Variants in SLIT2 observed in about 807,000 individuals in gnomAD.
The protein encoded by SLIT2 is slit homolog 2 protein.
A neutral mutation model predicts 185.7 loss-of-function variants in SLIT2; 41 were observed. That is an observed-to-expected ratio of 0.22 (90% CI 0.17 to 0.29). SLIT2 has a LOEUF of 0.29. Ranked by LOEUF, SLIT2 falls within the 10% of genes least tolerant of loss-of-function variation. The probability of loss-of-function intolerance (pLI) is 1.00; values close to 1 mark genes in which losing one functional copy is unlikely to be tolerated. For synonymous variants in SLIT2, 693 were observed against 680.2 expected, an observed-to-expected ratio of 1.02 and a Z score of -0.29; for missense variants, 1,571 against 1,909.0, an observed-to-expected ratio of 0.82 and a Z score of 3.30.
chr4:20,515,633 C>T (rs901848998), intron 11 of SLIT2, among the ~76,000 whole-genome samples: 20 of 152,082 alleles, frequency 1.3e-4, no homozygotes, highest in African/African-American at 4.8e-4. Context: ...CTTTACTGTA[C>T]TCTTCTAAAA....
chr4:20,434,425 G>A (rs112136649), intron 4 of SLIT2, among the ~76,000 whole-genome samples: 1 of 152,290 alleles, frequency 6.6e-6, no homozygotes, highest in African/African-American at 2.4e-5. Flanking sequence ...GGCAGAGGTT[G>A]TGGTGAGCCA....
chr4:20,590,006 C>T (rs7686831), intron 30 of SLIT2, among the ~76,000 whole-genome samples: 7,231 of 148,474 alleles, frequency 0.049, 198 homozygotes, highest in African/African-American at 0.074. Context: ...CCCAGGTTCA[C>T]GCCATTCTCC....
intron 4 of SLIT2, among the ~76,000 whole-genome samples, chr4:20,291,480 ATATATATATATATTTTTTTTTTTTTT>A (rs1403570868): frequency 4.6e-3 from 65 of 14,012 alleles, no homozygotes; most frequent in Non-Finnish European, 6.8e-3. Context: ...ATATATATAT[ATATATATATATATTTTTTTTTTTTTT>A]TTTTTTTTTT....
At chr4:20,496,181 CT>C (rs1718208600) in intron 9 of SLIT2, among the ~76,000 whole-genome samples, 1 of 152,144 alleles carries the variant, frequency 6.6e-6, no homozygotes. Flanking sequence ...GAGTGATCAA[CT>C]GCCTATAAAT....
chr4:20,509,681 C>T (rs946589877), intron 9 of SLIT2, among the ~76,000 whole-genome samples: 1 of 152,128 alleles, frequency 6.6e-6, no homozygotes, highest in Admixed American at 6.5e-5. Context: ...TGAGAAGCAA[C>T]ATTTTTTTGA....
intron 4 of SLIT2, among the ~76,000 whole-genome samples, chr4:20,318,885 GCTT>G (rs914400356): frequency 9.9e-5 from 15 of 152,138 alleles, no homozygotes; most frequent in Admixed American, 3.3e-4. Flanking sequence ...TAGAACTAAG[GCTT>G]CTTACGTATG....
chr4:20,371,629 C>T (rs989748520), intron 4 of SLIT2, among the ~76,000 whole-genome samples: 12 of 152,056 alleles, frequency 7.9e-5, no homozygotes, highest in African/African-American at 2.9e-4. Flanking sequence ...CTCATGCAGA[C>T]TGCATTTTGG....
intron 4 of SLIT2, among the ~76,000 whole-genome samples, chr4:20,399,744 A>C (rs751206891): frequency 6.6e-6 from 1 of 151,784 alleles, no homozygotes; most frequent in South Asian, 2.1e-4. Flanking sequence ...GTGATATTAC[A>C]CTATGTAAGA....
At chr4:20,577,591 C>G (rs1726182715) in intron 29 of SLIT2, among the ~76,000 whole-genome samples, 1 of 152,072 alleles carries the variant, frequency 6.6e-6, no homozygotes, top group Non-Finnish European at 1.5e-5. Flanking sequence ...ACAAATAGGG[C>G]CTGCCTGGTT....
At chr4:20,315,011 A>AT (rs10696291) in intron 4 of SLIT2, among the ~76,000 whole-genome samples, 10 of 120,148 alleles carry the variant, frequency 8.3e-5, no homozygotes, top group Non-Finnish European at 1.5e-4. Context: ...CCTGTAATAA[A>AT]ATAATTAATT....
intron 12 of SLIT2, among the ~76,000 whole-genome samples, chr4:20,521,257 A>G (rs186181324): frequency 2.8e-4 from 43 of 152,320 alleles, no homozygotes; most frequent in Admixed American, 2.8e-3. Context: ...ATAAAGTTTC[A>G]TTTCTACACT....
chr4:20,482,396 T>C (rs1385572954), intron 6 of SLIT2, among the ~76,000 whole-genome samples: 3 of 152,154 alleles, frequency 2.0e-5, no homozygotes, highest in Non-Finnish European at 4.4e-5. Flanking sequence ...ACTGTGTATA[T>C]TTTACAAGGT....
At chr4:20,545,346 C>T (rs1374819073) in intron 21 of SLIT2, among the ~76,000 whole-genome samples, 2 of 151,878 alleles carry the variant, frequency 1.3e-5, no homozygotes, top group African/African-American at 4.8e-5. Context: ...TTCAGGCATT[C>T]GATTATCTCT....
Position 20,619,104 on chromosome 4 carries a change from A to G in SLIT2, c.*95A>G. ...TTCATAGTGGAAATATTTGAAATAT[A>G]TTGTAAAATACAGAACAGACTTATT... On this transcript the variant is annotated 3_prime_UTR_variant, in exon 37 of 37. Transcript: ENST00000504154. 7.8e-7 allele frequency: 1 copy of G among 1,289,236 alleles called. No individual in the cohort carries two copies. Among genetic ancestry groups the G allele is most frequent in the Non-Finnish European group, 1.1e-6 (1 of 930,166 alleles). 79.9% of individuals were successfully genotyped at this position (1,289,236 alleles called of 1,614,324 possible).
chr4:20,352,738 T>C (rs1249956688), intron 4 of SLIT2, among the ~76,000 whole-genome samples: 2 of 151,868 alleles, frequency 1.3e-5, no homozygotes, highest in African/African-American at 4.8e-5. Context: ...CATGGTGAAA[T>C]CCCATCTCTA....
At position 20,491,907 on chromosome 4, in the gene SLIT2, C is replaced by T; in HGVS notation, c.914+8C>T. The T allele has an allele frequency of 1.2e-6, 2 of 1,606,982 alleles. No individual in the cohort carries two copies. The highest frequency in any genetic ancestry group is 1.7e-6 in the Non-Finnish European group (2 of 1,177,594). On this transcript the variant is annotated splice_region_variant and intron_variant, in intron 9 of 36. Transcript: ENST00000504154. Reference sequence around the variant, plus strand: ...AGAGACCATCACAGAAATGTATGTGCCTGAAATTCTTTCTTATCTCCCCAC... The same window carrying T: ...AGAGACCATCACAGAAATGTATGTGTCTGAAATTCTTTCTTATCTCCCCAC...
rs367585925 is a variant in SLIT2 at position 20,561,753 on chromosome 4, A to G, written c.2726-5509A>G. ...GGAGGTTTTGATTTGCTTATTGGCTAAAGAGAACATTCAGGTTTGGATATG... is the reference window on the plus strand; with the variant it reads ...GGAGGTTTTGATTTGCTTATTGGCTGAAGAGAACATTCAGGTTTGGATATG... On this transcript the variant is annotated intron_variant, in intron 26 of 36. Coordinates refer to ENST00000504154, the MANE Select transcript of SLIT2 (RefSeq NM_004787.4). Among the ~76,000 whole-genome samples, 10 of 151,812 alleles carry G rather than the reference A, an allele frequency of 6.6e-5. No individual in the cohort carries two copies. In the East Asian group the frequency reaches 1.6e-3, roughly 24 times the overall value.
At chr4:20,573,874 C>T (rs1017042517) in intron 29 of SLIT2, among the ~76,000 whole-genome samples, 2 of 151,846 alleles carry the variant, frequency 1.3e-5, no homozygotes, top group Non-Finnish European at 2.9e-5. Flanking sequence ...TAATTATTGG[C>T]GTCAATATGG....
At chr4:20,288,187 G>A (rs199975596) in intron 4 of SLIT2, among the ~76,000 whole-genome samples, 4 of 152,304 alleles carry the variant, frequency 2.6e-5, no homozygotes, top group East Asian at 1.9e-4. Flanking sequence ...AAAAAACAGT[G>A]TGTGAGTCAG....
Sources: allele counts gnomAD v4.1 joint callset (sites outside exome capture counted in the v4.1 genomes callset), GRCh38; gene constraint gnomAD v4.1.1; transcripts MANE v1.5; gene names NCBI Gene and HGNC (gene_info 2026-07-23, HGNC 2026-07-21).